PDE4D: variants seen among roughly 807,000 people sequenced by gnomAD.
PDE4D encodes phosphodiesterase 4D.
A neutral mutation model predicts 87.4 loss-of-function variants in PDE4D; 24 were observed. The observed-to-expected ratio is 0.27, with a 90% CI of 0.20 to 0.39. PDE4D has a LOEUF of 0.39. Among genes scored for constraint, PDE4D ranks in the 10% least tolerant of loss-of-function variants. PDE4D has a pLI of 1.00. For missense variants in PDE4D, 714 were observed against 1,041.0 expected, an observed-to-expected ratio of 0.69 and a Z score of 4.32; for synonymous variants, 384 against 383.2, an observed-to-expected ratio of 1.00 and a Z score of -0.02.
intron 1 of PDE4D, among the ~76,000 whole-genome samples, chr5:60,407,214 A>T (rs898399953): frequency 1.3e-5 from 2 of 151,928 alleles, no homozygotes; most frequent in Non-Finnish European, 2.9e-5. Context: ...ATTTCAAATG[A>T]TTTTCTGCAG....
chr5:59,473,562 T>C (rs1289692649), intron 1 of PDE4D, among the ~76,000 whole-genome samples: 3 of 152,108 alleles, frequency 2.0e-5, no homozygotes, highest in Non-Finnish European at 4.4e-5. Context: ...AATTTCTTGT[T>C]TGTTGTGGCT....
At chr5:60,521,202 G>C (rs1466137047) in intron 1 of PDE4D, 1 of 152,128 alleles carries the variant, frequency 6.6e-6, no homozygotes, top group Non-Finnish European at 1.5e-5. Flanking sequence ...ATGAAATACT[G>C]CTGGCCTACC....
In PDE4D at chr5:59,776,377, T is replaced by C. The variant is rs75007856; in HGVS notation, c.455+116791A>G. 1.2e-3 allele frequency among the ~76,000 whole-genome samples: 179 copies of C among 152,300 alleles called. 2 individuals carry two copies. In the East Asian group the frequency reaches 0.028, roughly 24 times the overall value. Reference sequence around the variant, plus strand: ...ATTTGTCATTTAAGGAAAACAAATATCAAGTGCATCCTGAGCCAATATAGT... The same window carrying C: ...ATTTGTCATTTAAGGAAAACAAATACCAAGTGCATCCTGAGCCAATATAGT... On this transcript the variant is annotated intron_variant, in intron 1 of 14. Coordinates refer to ENST00000340635, the MANE Select transcript of PDE4D (RefSeq NM_001104631.2).
chr5:59,918,955 T>G (rs959720287), intron 3 of PDE4D, among the ~76,000 whole-genome samples: 1 of 152,156 alleles, frequency 6.6e-6, no homozygotes, highest in Admixed American at 6.5e-5. Context: ...AATTTTTGAA[T>G]AGTTGAAATA....
intron 1 of PDE4D, among the ~76,000 whole-genome samples, chr5:59,674,651 T>C (rs138638059): frequency 7.0e-4 from 107 of 152,294 alleles, no homozygotes; most frequent in African/African-American, 2.3e-3. Flanking sequence ...TTTCTTTCCA[T>C]GAGTTATCCA....
chr5:59,781,729 G>T (rs1418847747), intron 1 of PDE4D, among the ~76,000 whole-genome samples: 1 of 138,710 alleles, frequency 7.2e-6, no homozygotes, highest in Non-Finnish European at 1.5e-5. Flanking sequence ...AGGTTGCAGT[G>T]AGCCGAGATC....
chr5:60,047,401 T>A (rs972100879), intron 2 of PDE4D, among the ~76,000 whole-genome samples: 1 of 152,046 alleles, frequency 6.6e-6, no homozygotes, highest in Non-Finnish European at 1.5e-5. Flanking sequence ...ATTTCTTGCC[T>A]TCTGCTAGCT....
intron 1 of PDE4D, among the ~76,000 whole-genome samples, chr5:59,453,836 A>G (rs1162527081): frequency 6.6e-6 from 1 of 152,250 alleles, no homozygotes; most frequent in Non-Finnish European, 1.5e-5. Context: ...TTAAACAACA[A>G]ATTTCAAATG....
chr5:59,311,443 A>G (rs1581895321), intron 1 of PDE4D, among the ~76,000 whole-genome samples: 1 of 140,340 alleles, frequency 7.1e-6, no homozygotes, highest in African/African-American at 2.6e-5. Context: ...AGAGGTTGCA[A>G]TGAGCTGAGA....
chr5:59,999,961 GATGACTCCATCAAGCAGAAGAAAGA>G (rs1763874554), intron 2 of PDE4D, among the ~76,000 whole-genome samples: 1 of 151,910 alleles, frequency 6.6e-6, no homozygotes, highest in Non-Finnish European at 1.5e-5. Flanking sequence ...CATTTCAACA[GATGACTCCATCAAGCAGAAGAAAGA>G]ATAAATGAAC....
At chr5:59,264,587 T>A (rs1369633640) in intron 1 of PDE4D, among the ~76,000 whole-genome samples, 1 of 152,014 alleles carries the variant, frequency 6.6e-6, no homozygotes, top group Non-Finnish European at 1.5e-5. Flanking sequence ...TTGGGCTATC[T>A]CTTTTTAAAG....
intron 1 of PDE4D, among the ~76,000 whole-genome samples, chr5:60,379,336 C>T (rs549649871): frequency 6.6e-6 from 1 of 152,246 alleles, no homozygotes; most frequent in African/African-American, 2.4e-5. Context: ...GATCCAGTTA[C>T]TTTTCTTCAT....
chr5:59,624,978 T>C (rs1336298593), intron 1 of PDE4D, among the ~76,000 whole-genome samples: 2 of 152,180 alleles, frequency 1.3e-5, no homozygotes, highest in African/African-American at 4.8e-5. Context: ...TAATACACAA[T>C]TCTAAGATGA....
chr5:60,420,169 T>C (rs1003667183), intron 1 of PDE4D, among the ~76,000 whole-genome samples: 3 of 152,198 alleles, frequency 2.0e-5, no homozygotes, highest in Non-Finnish European at 4.4e-5. Flanking sequence ...TCAGGTCCTA[T>C]GGGTTTGAGA....
In PDE4D at chr5:60,070,175, T is replaced by G. The variant is rs149377889; in HGVS notation, c.43-81458A>C. On this transcript the variant is annotated intron_variant, in intron 2 of 16. Transcript: ENST00000502484. ...TCCCAATTTAAATGCCTTTTTACTT[T>G]TTTTCTTACCCAATTGCTCTAGATA... 1.9e-3 allele frequency among the ~76,000 whole-genome samples: 293 copies of G among 152,234 alleles called. 2 individuals are homozygous for G. Among genetic ancestry groups the G allele is most frequent in the African/African-American group, 6.4e-3 (268 of 41,554 alleles).
chr5:59,427,458 C>T lies in PDE4D; in HGVS notation c.456-211490G>A, dbSNP rs28403116. On this transcript the variant is annotated intron_variant, in intron 1 of 14. Transcript: ENST00000340635. Reference sequence around the variant, plus strand: ...ACTGGGGAAGTAACAACAACCAAGACGTGATCCACACACTCAAAAACTTTA... The same window carrying T: ...ACTGGGGAAGTAACAACAACCAAGATGTGATCCACACACTCAAAAACTTTA... Among the ~76,000 whole-genome samples, 901 of 152,128 alleles carry T rather than the reference C, an allele frequency of 5.9e-3. 5 individuals are homozygous for T. The highest frequency in any genetic ancestry group is 0.016 in the African/African-American group (661 of 41,510).
intron 1 of PDE4D, among the ~76,000 whole-genome samples, chr5:60,261,148 G>A (rs935342878): frequency 6.6e-6 from 1 of 152,072 alleles, no homozygotes; most frequent in East Asian, 1.9e-4. Flanking sequence ...GGATACAATA[G>A]GAGAAGGTAA....
intron 5 of PDE4D, among the ~76,000 whole-genome samples, chr5:59,086,169 C>G (rs1427023322): frequency 6.6e-6 from 1 of 152,152 alleles, no homozygotes; most frequent in Non-Finnish European, 1.5e-5. Context: ...AGATTTGAAC[C>G]TAAGGAGTTG....
chr5:59,209,267 C>T (rs1179661774), intron 2 of PDE4D, among the ~76,000 whole-genome samples: 1 of 152,046 alleles, frequency 6.6e-6, no homozygotes, highest in Non-Finnish European at 1.5e-5. Context: ...CTCACTACAA[C>T]CTCAACATCC....
Sources: allele counts gnomAD v4.1 joint callset (sites outside exome capture counted in the v4.1 genomes callset), GRCh38; gene constraint gnomAD v4.1.1; transcripts MANE v1.5; gene names NCBI Gene and HGNC (gene_info 2026-07-23, HGNC 2026-07-21).